Variants in TEAD1 observed in about 807,000 individuals in gnomAD.
TEAD1 encodes the protein transcriptional enhancer factor TEF-1.
In TEAD1, 9 loss-of-function variants were observed where a neutral mutation model predicts 54.9. The ratio of observed to expected loss-of-function variants is 0.16; its 90% confidence interval spans 0.10 to 0.29. TEAD1 has a LOEUF of 0.29. Ranked by LOEUF, TEAD1 falls within the 10% of genes least tolerant of loss-of-function variation. TEAD1 has a pLI of 1.00. For synonymous variants in TEAD1, 200 were observed against 187.8 expected (o/e 1.07, Z -0.53); for missense variants, 387 against 535.9 (o/e 0.72, Z 2.74).
chr11:12,825,705 G>C (rs530245819), intron 3 of TEAD1, among the ~76,000 whole-genome samples: 1 of 151,316 alleles, frequency 6.6e-6, no homozygotes, highest in South Asian at 2.1e-4. Context: ...AAAACAATTC[G>C]GAAAGGGAAG....
At chr11:12,908,886 T>TTTTTTTTTTGG (rs1554948595) in intron 10 of TEAD1, among the ~76,000 whole-genome samples, 2 of 133,972 alleles carry the variant, frequency 1.5e-5, no homozygotes, top group African/African-American at 5.2e-5. Flanking sequence ...ATTATCTGTT[T>TTTTTTTTTTGG]TTTTTTTTTT....
intron 2 of TEAD1, among the ~76,000 whole-genome samples, chr11:12,697,288 C>T (rs968045760): frequency 3.9e-5 from 6 of 152,160 alleles, no homozygotes; most frequent in African/African-American, 1.2e-4. Flanking sequence ...TAGGGAATCT[C>T]GAAAATCAGA....
rs535910776 is a variant in TEAD1 at position 12,866,733 on chromosome 11, C to G, written c.330+1833C>G. On this transcript the variant is annotated intron_variant, in intron 5 of 12. Transcript: ENST00000527636. ...AACCACCTCCGTCTTCTTGTAGTTT[C>G]TTCCGTTCTTTCCTACCATATTGTT... Among the ~76,000 whole-genome samples, 4 of 152,318 alleles carry G rather than the reference C, an allele frequency of 2.6e-5. No individual in the cohort carries two copies. In the East Asian group the frequency reaches 7.7e-4, roughly 29 times the overall value.
intron 3 of TEAD1, among the ~76,000 whole-genome samples, chr11:12,814,911 C>A (rs1209444627): frequency 6.6e-6 from 1 of 151,872 alleles, no homozygotes; most frequent in East Asian, 1.9e-4. Flanking sequence ...ACGCACCCAT[C>A]AGTGAATGCT....
chr11:12,851,224 G>T, intron 3 of TEAD1: 1 of 382,988 alleles, frequency 2.6e-6, no homozygotes, highest in Non-Finnish European at 3.6e-6. Context: ...AACAACAGAG[G>T]ATACTAAGAA....
chr11:12,915,117 C>T (rs73409273), intron 10 of TEAD1, among the ~76,000 whole-genome samples: 4,622 of 152,250 alleles, frequency 0.03, 126 homozygotes, highest in East Asian at 0.12. Flanking sequence ...CTTCCAAGCC[C>T]TCTGGATAGG....
At chr11:12,843,091 TTTTAAGTCC>T (rs1163236164) in intron 3 of TEAD1, among the ~76,000 whole-genome samples, 1 of 152,168 alleles carries the variant, frequency 6.6e-6, no homozygotes, top group African/African-American at 2.4e-5. Context: ...CAAATGGTGG[TTTTAAGTCC>T]TTTAAGTCAT....
intron 2 of TEAD1, among the ~76,000 whole-genome samples, chr11:12,698,297 C>G (rs1943629756): frequency 6.6e-6 from 1 of 151,852 alleles, no homozygotes; most frequent in South Asian, 2.1e-4. Flanking sequence ...TGCGCTCTCT[C>G]TTTTTTGGTG....
intron 5 of TEAD1, chr11:12,878,747 A>G: frequency 5.2e-6 from 2 of 386,034 alleles, no homozygotes; most frequent in Non-Finnish European, 8.1e-6. Flanking sequence ...TATGCATTTT[A>G]TTGTTCCCAA....
intron 10 of TEAD1, among the ~76,000 whole-genome samples, chr11:12,924,385 C>G (rs1564992659): frequency 6.6e-6 from 1 of 152,122 alleles, no homozygotes; most frequent in East Asian, 1.9e-4. Flanking sequence ...ATAGTAGGTG[C>G]TTAATAAAAA....
At chr11:12,714,011 A>G (rs1206226628) in intron 2 of TEAD1, among the ~76,000 whole-genome samples, 1 of 152,154 alleles carries the variant, frequency 6.6e-6, no homozygotes, top group African/African-American at 2.4e-5. Context: ...GGGCCTAGGG[A>G]GTGGAATTCC....
At chr11:12,794,958 T>G (rs73423692) in intron 3 of TEAD1, among the ~76,000 whole-genome samples, 5,216 of 152,272 alleles carry the variant, frequency 0.034, 319 homozygotes, top group African/African-American at 0.12. Context: ...GTCTCATGCA[T>G]CTCAGCAAGG....
chr11:12,763,021 C>A (rs986035263), intron 2 of TEAD1, among the ~76,000 whole-genome samples: 3 of 148,290 alleles, frequency 2.0e-5, no homozygotes, highest in Non-Finnish European at 4.5e-5. Flanking sequence ...TCGATCAATC[C>A]TTTCTCTCTC....
rs1381050843 is a variant in TEAD1 at position 12,814,883 on chromosome 11, G to GCA, written c.203-47365_203-47364dup. ...TGTGTGTGTGTGTCTGTGTGTGTGTGCACGCGTCCCGGAGCGCACGCACCC... is the reference window on the plus strand; with the variant it reads ...TGTGTGTGTGTGTCTGTGTGTGTGTGCACACGCGTCCCGGAGCGCACGCACCC... On this transcript the variant is annotated intron_variant, in intron 3 of 12. Coordinates refer to ENST00000527636, the MANE Select transcript of TEAD1 (RefSeq NM_021961.6). 5.3e-5 allele frequency among the ~76,000 whole-genome samples: 8 copies of GCA among 151,974 alleles called. No individual in the cohort carries two copies. In the South Asian group the frequency reaches 1.5e-3, roughly 28 times the overall value.
At chr11:12,839,762 T>C (rs1590201234) in intron 3 of TEAD1, among the ~76,000 whole-genome samples, 1 of 151,994 alleles carries the variant, frequency 6.6e-6, no homozygotes, top group African/African-American at 2.4e-5. Flanking sequence ...AAAAGATGAA[T>C]AGAAATTTGC....
At chr11:12,735,862 A>G (rs1000099186) in intron 2 of TEAD1, among the ~76,000 whole-genome samples, 9 of 152,202 alleles carry the variant, frequency 5.9e-5, no homozygotes, top group Admixed American at 5.9e-4. Flanking sequence ...CCCTGCCTGA[A>G]GTTGGCTGCA....
intron 3 of TEAD1, among the ~76,000 whole-genome samples, chr11:12,793,747 C>T (rs1410212879): frequency 6.6e-6 from 1 of 152,166 alleles, no homozygotes; most frequent in African/African-American, 2.4e-5. Flanking sequence ...AGAGAACTAT[C>T]CTGGATGATC....
At chr11:12,701,255 G>T (rs965306613) in intron 2 of TEAD1, among the ~76,000 whole-genome samples, 1 of 151,784 alleles carries the variant, frequency 6.6e-6, no homozygotes, top group South Asian at 2.1e-4. Flanking sequence ...GCTTCCTCTG[G>T]TTATCAGCTT....
intron 2 of TEAD1, among the ~76,000 whole-genome samples, chr11:12,735,736 C>G (rs1338295054): frequency 6.6e-6 from 1 of 152,094 alleles, no homozygotes. Context: ...ATCTTTCTAT[C>G]ACAACAGTTA....
Sources: allele counts gnomAD v4.1 joint callset (sites outside exome capture counted in the v4.1 genomes callset), GRCh38; gene constraint gnomAD v4.1.1; transcripts MANE v1.5; gene names NCBI Gene and HGNC (gene_info 2026-07-23, HGNC 2026-07-21).